The following AGBL3 variants were observed in gnomAD, a reference collection of about 807,000 sequenced individuals.
The protein encoded by AGBL3 is cytosolic carboxypeptidase 3.
A neutral mutation model predicts 94.5 loss-of-function variants in AGBL3; 68 were observed. The ratio of observed to expected loss-of-function variants is 0.72; its 90% CI spans 0.59 to 0.88. AGBL3 has a LOEUF of 0.88. Among genes scored for constraint, AGBL3 ranks in the 40% least tolerant of loss-of-function variants. AGBL3 has a pLI of 0.00. For missense variants in AGBL3, 934 were observed against 1,103.8 expected, an observed-to-expected ratio of 0.85 and a Z score of 2.18; for synonymous variants, 354 against 370.7, an observed-to-expected ratio of 0.95 and a Z score of 0.52.
chr7:135,077,419 C>G (rs1424218520), intron 13 of AGBL3, among the ~76,000 whole-genome samples: 1 of 152,120 alleles, frequency 6.6e-6, no homozygotes, highest in East Asian at 1.9e-4. Context: ...AGCAGGGTAT[C>G]ACTTGGAGGG....
At chr7:135,089,974 A>AATCTGAGGC (rs2116900828) in intron 15 of AGBL3, among the ~76,000 whole-genome samples, 1 of 152,278 alleles carries the variant, frequency 6.6e-6, no homozygotes, top group East Asian at 1.9e-4. Flanking sequence ...AGGATCTGTG[A>AATCTGAGGC]ATCTGAGGCA....
At chr7:135,000,716 T>C (rs1811609674) in intron 4 of AGBL3, among the ~76,000 whole-genome samples, 1 of 152,242 alleles carries the variant, frequency 6.6e-6, no homozygotes, top group African/African-American at 2.4e-5. Flanking sequence ...TTTCAACTAA[T>C]GTCCAATAGC....
At chr7:135,028,061 A>G (rs941748336) in intron 5 of AGBL3, among the ~76,000 whole-genome samples, 1 of 151,698 alleles carries the variant, frequency 6.6e-6, no homozygotes, top group Non-Finnish European at 1.5e-5. Context: ...TGCCCTAATT[A>G]GAAATACTTT....
At chr7:135,132,724 C>T (rs1266730881) in intron 16 of AGBL3, among the ~76,000 whole-genome samples, 1 of 152,176 alleles carries the variant, frequency 6.6e-6, no homozygotes, top group Non-Finnish European at 1.5e-5. Context: ...CCTGCATAAG[C>T]TGTCTTGCGT....
At chr7:135,092,633 T>C (rs974506606) in intron 15 of AGBL3, 28 of 152,244 alleles carry the variant, frequency 1.8e-4, no homozygotes, top group African/African-American at 6.5e-4. Flanking sequence ...ACTTATTGTG[T>C]TATGGGGTTA....
intron 7 of AGBL3, among the ~76,000 whole-genome samples, chr7:135,035,857 T>TAAC: frequency 6.6e-6 from 1 of 152,170 alleles, no homozygotes; most frequent in Non-Finnish European, 1.5e-5. Context: ...AGAACTTAAC[T>TAAC]TGATATTCAT....
At chr7:135,026,389 C>T (rs1252603662) in intron 5 of AGBL3, among the ~76,000 whole-genome samples, 10 of 150,984 alleles carry the variant, frequency 6.6e-5, no homozygotes, top group African/African-American at 2.4e-4. Context: ...ATTTTCCTGC[C>T]TCAGTTTCCC....
chr7:135,032,561 G>A (rs1815876399), intron 5 of AGBL3, among the ~76,000 whole-genome samples: 1 of 150,682 alleles, frequency 6.6e-6, no homozygotes, highest in Admixed American at 6.7e-5. Context: ...CGGGCAATCT[G>A]CCTGCCTCGG....
chr7:135,046,032 T>C, intron 11 of AGBL3, 121 bp downstream of exon 11: 2 of 697,984 alleles, frequency 2.9e-6, no homozygotes, highest in East Asian at 2.8e-5. Context: ...TGGTGGAAAA[T>C]TTCTCCCATG....
chr7:135,080,276 T>C lies in AGBL3; in HGVS notation c.2038+16T>C, dbSNP rs758943824. On this transcript the variant is annotated intron_variant, in intron 14 of 16. Transcript: ENST00000436302. Reference sequence around the variant, plus strand: ...GATGTGAAAGGTAATATTCTGCTTCTACCTTCTCATAAACAATTAATTCAT... The same window carrying C: ...GATGTGAAAGGTAATATTCTGCTTCCACCTTCTCATAAACAATTAATTCAT... 3 of 1,542,494 alleles carry C rather than the reference T, an allele frequency of 1.9e-6. No individual in the cohort carries two copies. The highest frequency in any genetic ancestry group is 2.4e-5 in the South Asian group (2 of 83,774).
intron 5 of AGBL3, among the ~76,000 whole-genome samples, chr7:135,029,526 G>A (rs1190077499): frequency 1.4e-5 from 2 of 145,724 alleles, no homozygotes; most frequent in Non-Finnish European, 3.1e-5. Flanking sequence ...AGAGAATTAG[G>A]GCCTTCCTCT....
intron 4 of AGBL3, among the ~76,000 whole-genome samples, chr7:135,001,653 T>C (rs1427454739): frequency 6.6e-6 from 1 of 152,206 alleles, no homozygotes; most frequent in Non-Finnish European, 1.5e-5. Context: ...TTCTTCCTTT[T>C]GTCTTTCCCT....
chr7:134,988,162 G>A (rs907543680), intron 2 of AGBL3, 166 bp downstream of exon 2: 1 of 555,502 alleles, frequency 1.8e-6, no homozygotes, highest in Non-Finnish European at 3.2e-6. Context: ...CTATCACTGG[G>A]AACACTATGC....
intron 15 of AGBL3, chr7:135,094,517 T>C: frequency 4.4e-6 from 2 of 456,706 alleles, no homozygotes; most frequent in Non-Finnish European, 8.8e-6. Flanking sequence ...AGCTTCATTT[T>C]TGTGGACTTT....
At position 135,015,186 on chromosome 7, in the gene AGBL3, A is replaced by C. The variant is rs374489720; in HGVS notation, c.311-1866A>C. On this transcript the variant is annotated intron_variant, in intron 4 of 16. Coordinates refer to ENST00000436302, the MANE Select transcript of AGBL3 (RefSeq NM_178563.4). ...TACAGATGAAATTGCTTACTATAGA[A>C]TACTCAGAAAATCTTGAAATGCTTA... Among the ~76,000 whole-genome samples the C allele has an allele frequency of 1.2e-4, 19 of 152,360 alleles. 1 individual carries two copies. In the East Asian group the frequency reaches 2.3e-3, roughly 19 times the overall value.
chr7:135,033,559 T>C (rs1815995023), intron 6 of AGBL3, among the ~76,000 whole-genome samples: 1 of 152,196 alleles, frequency 6.6e-6, no homozygotes, highest in African/African-American at 2.4e-5. Context: ...CCAGATAATA[T>C]TGTTATGTAT....
At chr7:135,102,748 T>C (rs1225807106) in intron 15 of AGBL3, among the ~76,000 whole-genome samples, 1 of 151,714 alleles carries the variant, frequency 6.6e-6, no homozygotes, top group Non-Finnish European at 1.5e-5. Context: ...AACCCTTGTC[T>C]TACACCATAG....
At chr7:135,026,244 ATTATT>A (rs1554497685) in intron 5 of AGBL3, among the ~76,000 whole-genome samples, 8,449 of 81,146 alleles carry the variant, frequency 0.1, 908 homozygotes, top group African/African-American at 0.31. Context: ...AATGAATACC[ATTATT>A]TTATTTTATT....
At chr7:135,017,601 A>AGCAT (rs1813955777) in intron 5 of AGBL3, among the ~76,000 whole-genome samples, 1 of 152,216 alleles carries the variant, frequency 6.6e-6, no homozygotes, top group Non-Finnish European at 1.5e-5. Flanking sequence ...TTTGCAAAAA[A>AGCAT]TCAAACATAG....
Sources: gnomAD v4.1 joint callset for allele counts (sites outside exome capture counted in the v4.1 genomes callset) on GRCh38, gnomAD v4.1.1 for gene constraint, MANE v1.5 for transcripts, NCBI Gene and HGNC (gene_info 2026-07-23, HGNC 2026-07-21) for gene names.